TRAPPC10: variants seen among roughly 807,000 people sequenced by gnomAD.
TRAPPC10 encodes TRAPP 130 kDa subunit.
Under a neutral mutation model 125.5 loss-of-function variants are expected in TRAPPC10, and 23 were observed. That is an observed-to-expected ratio of 0.18 (90% CI 0.13 to 0.26). The LOEUF is 0.26. TRAPPC10 is among the 10% of genes least tolerant of loss of function. TRAPPC10 has a pLI of 1.00. For synonymous variants in TRAPPC10, 509 were observed against 518.0 expected (o/e 0.98, Z 0.24); for missense variants, 1,123 against 1,308.4 (o/e 0.86, Z 2.19).
At chr21:44,094,304 G>C in intron 20 of TRAPPC10, 71 bp downstream of exon 20, 1 of 1,387,758 alleles carries the variant, frequency 7.2e-7, no homozygotes, top group Non-Finnish European at 1.0e-6. Context: ...TTTATAATCT[G>C]AAGAACTGAA....
chr21:44,044,336 A>G (rs1230085829), intron 3 of TRAPPC10, among the ~76,000 whole-genome samples: 1 of 141,208 alleles, frequency 7.1e-6, no homozygotes, highest in Non-Finnish European at 1.5e-5. Flanking sequence ...TCAAATCTTG[A>G]TTATCGTCTA....
At chr21:44,086,176 G>T (rs1412707168) in intron 15 of TRAPPC10, among the ~76,000 whole-genome samples, 1 of 152,208 alleles carries the variant, frequency 6.6e-6, no homozygotes, top group Admixed American at 6.5e-5. Flanking sequence ...CCAGGCTCAT[G>T]GCCTGGCTCC....
At chr21:44,073,880 T>TCAAGCAGGG (rs1377278300) in intron 7 of TRAPPC10, among the ~76,000 whole-genome samples, 26 of 152,220 alleles carry the variant, frequency 1.7e-4, no homozygotes, top group African/African-American at 6.0e-4. Flanking sequence ...AGCAGTCATT[T>TCAAGCAGGG]GAGGTCTTAG....
chr21:44,053,927 G>A (rs937894625), intron 4 of TRAPPC10, among the ~76,000 whole-genome samples: 3 of 152,098 alleles, frequency 2.0e-5, no homozygotes, highest in Non-Finnish European at 4.4e-5. Context: ...AAAAATTGAT[G>A]ATGATATAGA....
rs1251740647 is a variant in TRAPPC10 at position 44,052,485 on chromosome 21, A to G, written c.482+9A>G. ...AATAAACAGAGTGACAGGTAAGTGTATCTTTAATTTTACCTCATTTGGTTA... is the reference window on the plus strand; with the variant it reads ...AATAAACAGAGTGACAGGTAAGTGTGTCTTTAATTTTACCTCATTTGGTTA... On this transcript the variant is annotated intron_variant, in intron 4 of 22. Transcript: ENST00000291574. 3.1e-6 allele frequency: 5 copies of G among 1,588,974 alleles called. No homozygotes were observed. The African/African-American group carries it at 5.4e-5, about 17-fold the overall frequency.
chr21:44,079,907 G>A, intron 12 of TRAPPC10, 108 bp from the exon 13 acceptor site: 3 of 1,055,950 alleles, frequency 2.8e-6, no homozygotes, highest in South Asian at 3.2e-5. Context: ...AAAAAAAAAA[G>A]CCCTTTGGCT....
At chr21:44,046,743 G>C in intron 3 of TRAPPC10, 1 of 393,238 alleles carries the variant, frequency 2.5e-6, no homozygotes. Flanking sequence ...TCCAACCTCA[G>C]GCGATCCTCC....
chr21:44,040,219 C>G (rs1288662382), intron 3 of TRAPPC10, among the ~76,000 whole-genome samples: 3 of 152,210 alleles, frequency 2.0e-5, no homozygotes, highest in Non-Finnish European at 4.4e-5. Context: ...TATAAGTTCC[C>G]ATATGCAGAA....
intron 18 of TRAPPC10, chr21:44,091,704 C>G (rs1321798535): frequency 7.5e-6 from 3 of 399,906 alleles, no homozygotes; most frequent in Admixed American, 3.7e-5. Context: ...TCCCAAAGTG[C>G]TGGGATTACA....
intron 2 of TRAPPC10, among the ~76,000 whole-genome samples, chr21:44,036,441 G>A (rs138743260): frequency 5.6e-4 from 85 of 152,330 alleles, no homozygotes; most frequent in African/African-American, 1.8e-3. Context: ...CCGGCTGGCC[G>A]TGTGGGGGCC....
intron 5 of TRAPPC10, among the ~76,000 whole-genome samples, chr21:44,058,793 G>A (rs563015551): frequency 1.2e-4 from 19 of 152,366 alleles, no homozygotes; most frequent in Admixed American, 6.5e-4. Flanking sequence ...GAGCCACAGT[G>A]AGGGGCGAGG....
In TRAPPC10 at chr21:44,048,117, G is replaced by A. The variant is rs181443060; in HGVS notation, c.286-4163G>A. Among the ~76,000 whole-genome samples, 490 of 152,242 alleles carry A rather than the reference G, an allele frequency of 3.2e-3. 2 individuals carry two copies. The highest frequency in any genetic ancestry group is 0.011 in the African/African-American group (457 of 41,542). On this transcript the variant is annotated intron_variant, in intron 3 of 22. Transcript: ENST00000291574. ...CATGGGTGCCTCTGATCGTGTCTGC[G>A]GGTTCTGTTCCAGCAATGGGTGGTT...
intron 2 of TRAPPC10, among the ~76,000 whole-genome samples, chr21:44,032,506 C>G (rs1012641840): frequency 6.6e-5 from 10 of 151,964 alleles, no homozygotes; most frequent in Non-Finnish European, 1.2e-4. Context: ...CCTCAGCCTC[C>G]TGAGTAGCTG....
chr21:44,021,934 A>G (rs2032542264), intron 1 of TRAPPC10, among the ~76,000 whole-genome samples: 2 of 152,160 alleles, frequency 1.3e-5, no homozygotes, highest in East Asian at 3.8e-4. Flanking sequence ...GCTATGAGAA[A>G]ATACATTGCG....
At chr21:44,018,615 C>T (rs2032138957) in intron 1 of TRAPPC10, among the ~76,000 whole-genome samples, 1 of 150,940 alleles carries the variant, frequency 6.6e-6, no homozygotes, top group Non-Finnish European at 1.5e-5. Flanking sequence ...AGGAGAATTG[C>T]TTGAATCTGG....
intron 7 of TRAPPC10, 151 bp from the exon 8 acceptor site, chr21:44,074,173 C>T: frequency 2.3e-6 from 2 of 852,582 alleles, no homozygotes; most frequent in Non-Finnish European, 3.6e-6. Flanking sequence ...CCCTTTCTCT[C>T]TCCTGTAGCT....
intron 1 of TRAPPC10, among the ~76,000 whole-genome samples, chr21:44,029,027 T>C (rs1449735476): frequency 6.6e-6 from 1 of 152,258 alleles, no homozygotes; most frequent in Non-Finnish European, 1.5e-5. Context: ...TTTAATTACC[T>C]ACCGCGTGAG....
chr21:44,068,940 G>A (rs2036653723), intron 7 of TRAPPC10, among the ~76,000 whole-genome samples: 1 of 152,196 alleles, frequency 6.6e-6, no homozygotes, highest in South Asian at 2.1e-4. Flanking sequence ...AAAATTTAGT[G>A]AATTGATGGT....
chr21:44,017,218 A>T (rs2147123989), intron 1 of TRAPPC10, among the ~76,000 whole-genome samples: 1 of 152,330 alleles, frequency 6.6e-6, no homozygotes, highest in African/African-American at 2.4e-5. Flanking sequence ...CGGGGACTAA[A>T]GGCACCAACA....
Sources: allele counts gnomAD v4.1 joint callset (sites outside exome capture counted in the v4.1 genomes callset), GRCh38; gene constraint gnomAD v4.1.1; transcripts MANE v1.5; gene names NCBI Gene and HGNC (gene_info 2026-07-23, HGNC 2026-07-21).